GKN2: variants seen among roughly 807,000 people sequenced by gnomAD.
The protein encoded by GKN2 is gastrokine-2.
A neutral mutation model predicts 22.7 loss-of-function variants in GKN2; 17 were observed. The observed-to-expected ratio is 0.75, with a 90% confidence interval of 0.51 to 1.13. The LOEUF is 1.13. GKN2 is among the 50% of genes most tolerant of loss of function. The probability of loss-of-function intolerance (pLI) is 0.00; values close to 1 mark genes in which losing one functional copy is unlikely to be tolerated. For missense variants in GKN2, 248 were observed against 221.4 expected, an observed-to-expected ratio of 1.12 and a Z score of -0.76; for synonymous variants, 82 against 79.6, an observed-to-expected ratio of 1.03 and a Z score of -0.16.
chr2:68,948,126 G>A (rs534368972), intron 3 of GKN2, among the ~76,000 whole-genome samples: 1 of 151,538 alleles, frequency 6.6e-6, no homozygotes, highest in African/African-American at 2.4e-5. Flanking sequence ...GGCACCTGTA[G>A]TCCCAGCTAC....
rs1403041012 is a variant in GKN2 at position 68,950,258 on chromosome 2, A to C, written c.72T>G (p.Phe24Leu). 3 of 1,605,474 alleles carry C rather than the reference A, an allele frequency of 1.9e-6. No homozygotes were observed. The African/African-American group carries it at 4.0e-5, about 22-fold the overall frequency. The change falls in exon 3 of 6, where the codon TTT (phenylalanine) becomes TTG (leucine). Residue 24 changes from phenylalanine (F) to leucine (L), a missense_variant. Physicochemically the swap from Phe to Leu is conservative, Grantham distance 22. Coordinates refer to ENST00000328895, the MANE Select transcript of GKN2 (RefSeq NM_182536.3). ...FGIQSHGYEV[F>L]NIISPSNNGG... ...CATTGTTGCTTGGGCTGATGATGTT[A>C]AAAACCTAGATTGAAAAGAAAGACA...
rs1402090492 is a variant in GKN2, at chr2:68,950,202, T to C, written c.128A>G (p.Asp43Gly). The change falls in exon 3 of 6, where the codon GAT becomes GGT. Residue 43 changes from aspartate (D) to glycine (G), a missense_variant. Transcript: ENST00000328895. ...GGNVQETVTI[D>G]NEKNTAIINI... ...AATGATGGCGGTATTTTTTTCATTA[T>C]CAATTGTCACTGTCTCCTGAACATT... 5.0e-6 allele frequency: 8 copies of C among 1,613,762 alleles called. No homozygotes were observed. The highest frequency in any genetic ancestry group is 6.8e-6 in the Non-Finnish European group (8 of 1,179,764).
intron 4 of GKN2, among the ~76,000 whole-genome samples, chr2:68,946,905 G>A (rs1669779604): frequency 1.3e-5 from 2 of 151,996 alleles, no homozygotes; most frequent in South Asian, 4.1e-4. Flanking sequence ...TAATGTCACT[G>A]GAATTTATTA....
intron 1 of GKN2, 104 bp from the exon 2 acceptor site, chr2:68,950,859 C>T (rs1225768956): frequency 8.1e-6 from 9 of 1,110,396 alleles, no homozygotes; most frequent in Non-Finnish European, 1.2e-5. Context: ...AGAAAATGTA[C>T]ACCTAGAGAC....
intron 1 of GKN2, 24 bp downstream of exon 1, chr2:68,952,826 C>A (rs1669877725): frequency 6.2e-7 from 1 of 1,613,562 alleles, no homozygotes; most frequent in Non-Finnish European, 8.5e-7. Context: ...ACAAGAGTAT[C>A]AAGAAGCAGA....
intron 3 of GKN2, among the ~76,000 whole-genome samples, 173 bp downstream of exon 3, chr2:68,949,952 TG>T (rs1396664264): frequency 3.9e-5 from 6 of 152,258 alleles, no homozygotes; most frequent in African/African-American, 7.2e-5. Context: ...AAAATGGTTT[TG>T]TTTTTTTAAC....
chr2:68,945,942 T>C (rs1044951741), intron 5 of GKN2: 19 of 305,180 alleles, frequency 6.2e-5, no homozygotes, highest in Non-Finnish European at 7.8e-5. Context: ...TTCCTTCTTA[T>C]TATCTTCAAA....
At chr2:68,948,042 G>A (rs111980924) in intron 3 of GKN2, among the ~76,000 whole-genome samples, 4,715 of 151,976 alleles carry the variant, frequency 0.031, 222 homozygotes, top group African/African-American at 0.11. Flanking sequence ...TCAGGAGATC[G>A]AGACCATCCT....
chr2:68,950,398 C>T, intron 2 of GKN2, 135 bp from the exon 3 acceptor site: 1 of 819,900 alleles, frequency 1.2e-6, no homozygotes, highest in South Asian at 1.9e-5. Context: ...GGGTCCCAAT[C>T]CAAAAACTTA....
chr2:68,945,614 T>G, intron 5 of GKN2, 164 bp from the exon 6 acceptor site: 1 of 524,204 alleles, frequency 1.9e-6, no homozygotes, highest in Non-Finnish European at 3.5e-6. Context: ...CATACCTATG[T>G]GCCTTTATTT....
intron 1 of GKN2, 137 bp downstream of exon 1, chr2:68,952,713 T>A: frequency 1.4e-6 from 1 of 697,930 alleles, no homozygotes; most frequent in Non-Finnish European, 2.2e-6. Context: ...GCCAAAGATG[T>A]CATTAATTCA....
chr2:68,945,736 T>C (rs1382684934), intron 5 of GKN2: 14 of 275,624 alleles, frequency 5.1e-5, no homozygotes, highest in Non-Finnish European at 8.2e-5. Flanking sequence ...GTTGTGTTCA[T>C]CATCAGTTGG....
chr2:68,946,385 C>A lies in GKN2; in HGVS notation c.391G>T (p.Asp131Tyr). The stretch of plus-strand genomic sequence containing the variant: ...ATGGGTGACCCAAGCAGGAACCAAT[C>A]CACGTCTTTGATCAGAGACTCCAGA... ...NPLESLIKDV[D>Y]WFLLGSPIEK... The change falls in exon 5 of 6, where the codon GAT (aspartate) becomes TAT (tyrosine). Residue 131 changes from aspartate (D) to tyrosine (Y), a missense_variant. Physicochemically the swap from Asp to Tyr is radical, Grantham distance 160 (BLOSUM62 -3). Coordinates refer to ENST00000328895, the MANE Select transcript of GKN2 (RefSeq NM_182536.3). 1 of 1,614,016 alleles carries A rather than the reference C, an allele frequency of 6.2e-7. No homozygotes were observed. The highest frequency in any genetic ancestry group is 8.5e-7 in the Non-Finnish European group (1 of 1,179,954).
intron 3 of GKN2, among the ~76,000 whole-genome samples, chr2:68,949,034 C>G (rs1669816902): frequency 6.6e-6 from 1 of 152,150 alleles, no homozygotes; most frequent in African/African-American, 2.4e-5. Flanking sequence ...AACGTGAAGA[C>G]ATTTCTAGAA....
intron 5 of GKN2, 196 bp downstream of exon 5, chr2:68,946,108 C>T (rs758860658): frequency 2.0e-4 from 95 of 480,670 alleles, no homozygotes; most frequent in Non-Finnish European, 3.0e-4. Context: ...TATGTGTTCC[C>T]TGGAGACGTT....
chr2:68,946,537 A>AT (rs1452175139), intron 4 of GKN2, 77 bp from the exon 5 acceptor site: 7 of 1,239,796 alleles, frequency 5.6e-6, no homozygotes, highest in African/African-American at 1.5e-5. Context: ...AATTGTGACA[A>AT]TTTTTCTCTT....
At chr2:68,950,821 C>T (rs1669844173) in intron 1 of GKN2, 66 bp from the exon 2 acceptor site, 2 of 1,519,664 alleles carry the variant, frequency 1.3e-6, no homozygotes, top group South Asian at 1.1e-5. Flanking sequence ...CAGGAGGAAA[C>T]ACTGGACAGG....
intron 4 of GKN2, 51 bp from the exon 5 acceptor site, chr2:68,946,511 G>A: frequency 6.9e-7 from 1 of 1,447,870 alleles, no homozygotes; most frequent in Non-Finnish European, 9.2e-7. Context: ...GACAAAAATT[G>A]GTGTACCTTA....
rs1669841636 is a variant in GKN2 at position 68,950,643 on chromosome 2, A to G, written c.66+59T>C. The stretch of plus-strand genomic sequence containing the variant: ...CTCTACTGTCTTCAGGCTCTCTTGT[A>G]CCTTCCCTTTCCTCTCCCAACATCT... On this transcript the variant is annotated intron_variant, in intron 2 of 5. Coordinates refer to ENST00000328895, the MANE Select transcript of GKN2 (RefSeq NM_182536.3). 1.3e-5 allele frequency: 19 copies of G among 1,476,554 alleles called. No homozygotes were observed. The South Asian group carries it at 1.7e-4, about 13-fold the overall frequency. The allele number at this position is 1,476,554 out of a possible 1,614,324, so 91.5% of individuals were successfully genotyped here.
Sources: allele counts gnomAD v4.1 joint callset (sites outside exome capture counted in the v4.1 genomes callset), GRCh38; gene constraint gnomAD v4.1.1; transcripts MANE v1.5; gene names NCBI Gene and HGNC (gene_info 2026-07-23, HGNC 2026-07-21).